Variants in MCPH1 observed in about 807,000 individuals in gnomAD.
The protein encoded by MCPH1 is microcephalin 1, also known as microcephalin.
A neutral mutation model predicts 84.5 loss-of-function variants in MCPH1; 104 were observed. The ratio of observed to expected loss-of-function variants is 1.23; its 90% CI spans 1.05 to 1.45. The LOEUF (loss-of-function observed/expected upper bound fraction) is 1.45, where lower values mean the gene tolerates loss of function less well. Among genes scored for constraint, MCPH1 ranks in the 40% most tolerant of loss-of-function variants. MCPH1 has a pLI of 0.00. For missense variants in MCPH1, 1,498 were observed against 1,005.7 expected (o/e 1.49, Z -6.62); for synonymous variants, 514 against 366.8 (o/e 1.40, Z -4.58).
intron 12 of MCPH1, among the ~76,000 whole-genome samples, chr8:6,548,667 A>T (rs562010877): frequency 3.2e-4 from 49 of 152,312 alleles, no homozygotes; most frequent in African/African-American, 1.2e-3. Context: ...ATTTAGAAAG[A>T]TTTGAAAAAA....
chr8:6,423,879 T>C (rs528042045), intron 3 of MCPH1, among the ~76,000 whole-genome samples: 3 of 152,358 alleles, frequency 2.0e-5, no homozygotes, highest in African/African-American at 7.2e-5. Flanking sequence ...TCTTTCTAAT[T>C]TGTAGAAGAA....
intron 12 of MCPH1, among the ~76,000 whole-genome samples, chr8:6,611,616 A>AT (rs533944870): frequency 2.0e-3 from 218 of 109,878 alleles, no homozygotes; most frequent in African/African-American, 6.0e-3. Context: ...TAACGTCAGG[A>AT]TTTTTTTTTA....
intron 13 of MCPH1, among the ~76,000 whole-genome samples, chr8:6,628,752 C>A (rs1195814351): frequency 1.3e-5 from 2 of 152,208 alleles, no homozygotes; most frequent in Admixed American, 1.3e-4. Flanking sequence ...CCAAGTGTGT[C>A]ACAGCTGCCT....
chr8:6,506,996 C>T (rs1813864927), intron 12 of MCPH1, among the ~76,000 whole-genome samples: 1 of 151,776 alleles, frequency 6.6e-6, no homozygotes, highest in Non-Finnish European at 1.5e-5. Context: ...CTCCCCGGTT[C>T]AAGAGATTTT....
At chr8:6,438,478 A>G (rs74470250) in intron 5 of MCPH1, among the ~76,000 whole-genome samples, 9,653 of 152,178 alleles carry the variant, frequency 0.063, 762 homozygotes, top group African/African-American at 0.18. Flanking sequence ...TCATAACTTC[A>G]TGGTTCCGGG....
chr8:6,535,160 TA>T (rs1285617814), intron 12 of MCPH1, among the ~76,000 whole-genome samples: 1 of 152,188 alleles, frequency 6.6e-6, no homozygotes, highest in African/African-American at 2.4e-5. Flanking sequence ...AAGAGCTAAA[TA>T]AAAATTATTG....
intron 12 of MCPH1, among the ~76,000 whole-genome samples, chr8:6,570,724 C>T (rs1826582669): frequency 6.6e-6 from 1 of 151,372 alleles, no homozygotes; most frequent in African/African-American, 2.4e-5. Context: ...TAAAAAAGTT[C>T]CAAGTACTCA....
intron 12 of MCPH1, among the ~76,000 whole-genome samples, chr8:6,614,622 A>T (rs1419300825): frequency 1.3e-5 from 2 of 152,194 alleles, no homozygotes; most frequent in Non-Finnish European, 2.9e-5. Context: ...CCTTATGAAT[A>T]ATCAACGTGA....
chr8:6,508,807 G>T (rs1814322296), intron 12 of MCPH1: 2 of 1,304,690 alleles, frequency 1.5e-6, no homozygotes, highest in Non-Finnish European at 2.2e-6. Flanking sequence ...TATCAAGCTA[G>T]TGTGTCTACG....
chr8:6,467,333 GTTGTT>G (rs1240266114), intron 9 of MCPH1, among the ~76,000 whole-genome samples: 8 of 152,118 alleles, frequency 5.3e-5, no homozygotes, highest in Admixed American at 2.6e-4. Context: ...TTGAAGTTGT[GTTGTT>G]TTATTTTTCT....
chr8:6,554,220 A>G (rs1046562041), intron 12 of MCPH1, among the ~76,000 whole-genome samples: 2 of 151,176 alleles, frequency 1.3e-5, no homozygotes, highest in Admixed American at 6.6e-5. Context: ...TTAACATGGG[A>G]GTAAGTGTGA....
intron 12 of MCPH1, chr8:6,500,249 A>G: frequency 2.8e-6 from 1 of 355,576 alleles, no homozygotes; most frequent in Non-Finnish European, 5.3e-6. Context: ...TAATGTTTTT[A>G]CTGTTAATAG....
intron 12 of MCPH1, among the ~76,000 whole-genome samples, chr8:6,559,787 C>A (rs1169062108): frequency 1.3e-5 from 2 of 152,158 alleles, no homozygotes; most frequent in Non-Finnish European, 2.9e-5. Flanking sequence ...ACACTAGTTG[C>A]AGGATTAGCA....
intron 12 of MCPH1, among the ~76,000 whole-genome samples, chr8:6,517,372 C>A (rs2515434): frequency 0.06 from 9,201 of 152,216 alleles, 313 homozygotes; most frequent in African/African-American, 0.079. Context: ...ATAGAGACAA[C>A]CGTTAGGAGT....
chr8:6,502,093 A>G (rs1378673142), intron 12 of MCPH1: 2 of 152,114 alleles, frequency 1.3e-5, no homozygotes, highest in African/African-American at 4.8e-5. Context: ...CTAGTTCTAT[A>G]AAAATATATC....
chr8:6,492,834 T>C (rs1455321031), intron 11 of MCPH1, among the ~76,000 whole-genome samples: 1 of 151,876 alleles, frequency 6.6e-6, no homozygotes. Context: ...TAAGGATTAT[T>C]GTTAAATTAT....
At chr8:6,504,193 C>G (rs1443066196) in intron 12 of MCPH1, among the ~76,000 whole-genome samples, 1 of 151,514 alleles carries the variant, frequency 6.6e-6, no homozygotes, top group Non-Finnish European at 1.5e-5. Flanking sequence ...TGGCGGACGC[C>G]TGTAGTCCCA....
chr8:6,608,467 G>C (rs566353737), intron 12 of MCPH1, among the ~76,000 whole-genome samples: 1 of 152,300 alleles, frequency 6.6e-6, no homozygotes, highest in South Asian at 2.1e-4. Flanking sequence ...CTTCAAGCTT[G>C]TTAGAACAGG....
intron 11 of MCPH1, among the ~76,000 whole-genome samples, chr8:6,489,533 C>T (rs1392722091): frequency 1.3e-5 from 2 of 152,166 alleles, no homozygotes; most frequent in Non-Finnish European, 2.9e-5. Context: ...AATCCAATGA[C>T]TAAGACAGTT....
Sources: gnomAD v4.1 joint callset for allele counts (sites outside exome capture counted in the v4.1 genomes callset) on GRCh38, gnomAD v4.1.1 for gene constraint, MANE v1.5 for transcripts, NCBI Gene and HGNC (gene_info 2026-07-23, HGNC 2026-07-21) for gene names.